Variants in PHACTR1 observed in about 807,000 individuals in gnomAD.
The protein encoded by PHACTR1 is phosphatase and actin regulator 1, also known as RPEL repeat containing 1.
Under a neutral mutation model 69.2 loss-of-function variants are expected in PHACTR1, and 16 were observed. The ratio of observed to expected loss-of-function variants is 0.23; its 90% CI spans 0.16 to 0.35. PHACTR1 has a LOEUF of 0.35. Among genes scored for constraint, PHACTR1 ranks in the 10% least tolerant of loss-of-function variants. The pLI, the probability that PHACTR1 is intolerant of heterozygous loss-of-function variation, is 1.00. For missense variants in PHACTR1, 510 were observed against 734.7 expected (o/e 0.69, Z 3.54); for synonymous variants, 312 against 284.5 (o/e 1.10, Z -0.97).
At chr6:12,806,274 C>T (rs772918282) in intron 4 of PHACTR1, among the ~76,000 whole-genome samples, 1 of 152,216 alleles carries the variant, frequency 6.6e-6, no homozygotes, top group African/African-American at 2.4e-5. Flanking sequence ...GGTCCCATGA[C>T]ATCAGCACCA....
intron 4 of PHACTR1, among the ~76,000 whole-genome samples, chr6:12,830,039 GAAAA>G (rs1777276701): frequency 2.3e-5 from 3 of 132,056 alleles, no homozygotes; most frequent in East Asian, 4.2e-4. Flanking sequence ...AGAAAGGAAA[GAAAA>G]GAAAGAAGGA....
intron 5 of PHACTR1, among the ~76,000 whole-genome samples, chr6:13,152,570 AT>A (rs1459662299): frequency 6.6e-6 from 1 of 152,214 alleles, no homozygotes; most frequent in Non-Finnish European, 1.5e-5. Context: ...CAGACTGCTC[AT>A]TTCTAAAGTA....
At chr6:13,002,200 ACT>A (rs1582908098) in intron 4 of PHACTR1, among the ~76,000 whole-genome samples, 1 of 152,116 alleles carries the variant, frequency 6.6e-6, no homozygotes, top group East Asian at 1.9e-4. Context: ...AGCAAACAAC[ACT>A]CTGTCTCAGG....
intron 5 of PHACTR1, among the ~76,000 whole-genome samples, chr6:13,071,514 C>A (rs757212624): frequency 6.6e-6 from 1 of 152,076 alleles, no homozygotes; most frequent in African/African-American, 2.4e-5. Context: ...ACCTCAAATG[C>A]CTCTGAGGAC....
Position 13,253,139 on chromosome 6 carries a change from C to T in PHACTR1, c.1392-19721C>T, listed in dbSNP as rs1774720383. 36 of 384,648 alleles carry T rather than the reference C, an allele frequency of 9.4e-5. 2 individuals carry two copies. The highest frequency in any genetic ancestry group is 6.2e-4 in the South Asian group (35 of 56,678). 23.8% of individuals were successfully genotyped at this position (384,648 alleles called of 1,614,324 possible). The stretch of plus-strand genomic sequence containing the variant: ...CCCCACCCTCTATCCTCAGCCCTCT[C>T]CTTGGGAAGTATGATCGCCCCAAAA... On this transcript the variant is annotated intron_variant, in intron 10 of 14. Coordinates refer to ENST00000332995, the MANE Select transcript of PHACTR1 (RefSeq NM_030948.6).
intron 5 of PHACTR1, among the ~76,000 whole-genome samples, chr6:13,102,908 A>C (rs968314523): frequency 6.6e-6 from 1 of 152,206 alleles, no homozygotes; most frequent in Non-Finnish European, 1.5e-5. Context: ...CTTTATGGCC[A>C]GCCAACCTTG....
intron 4 of PHACTR1, among the ~76,000 whole-genome samples, chr6:12,773,304 G>T (rs1266981540): frequency 1.3e-5 from 2 of 152,114 alleles, no homozygotes; most frequent in African/African-American, 4.8e-5. Context: ...TCACATTTGG[G>T]AGTTGCCCCT....
intron 4 of PHACTR1, among the ~76,000 whole-genome samples, chr6:12,920,200 G>A (rs999566436): frequency 5.9e-5 from 9 of 152,184 alleles, no homozygotes; most frequent in Non-Finnish European, 1.3e-4. Flanking sequence ...AACAAAGAGA[G>A]GAGAGATCAA....
chr6:13,126,628 A>G (rs1442156234), intron 5 of PHACTR1, among the ~76,000 whole-genome samples: 2 of 152,256 alleles, frequency 1.3e-5, no homozygotes, highest in Non-Finnish European at 2.9e-5. Context: ...ACCATGGTAT[A>G]CAAGCTAAAT....
At chr6:13,273,733 C>T (rs997739284) in intron 11 of PHACTR1, 1 of 152,242 alleles carries the variant, frequency 6.6e-6, no homozygotes, top group Non-Finnish European at 1.5e-5. Flanking sequence ...CTACCATTCT[C>T]GCCAACACTG....
chr6:12,985,541 A>AAATATAT (rs1179784179), intron 4 of PHACTR1, among the ~76,000 whole-genome samples: 96 of 132,766 alleles, frequency 7.2e-4, no homozygotes, highest in African/African-American at 2.7e-3. Context: ...AAAAAAAAAA[A>AAATATAT]ATATATATAT....
chr6:13,214,963 A>G (rs1767443691), intron 8 of PHACTR1, among the ~76,000 whole-genome samples: 1 of 152,240 alleles, frequency 6.6e-6, no homozygotes, highest in Admixed American at 6.5e-5. Flanking sequence ...GAAAAAATAA[A>G]TACGTTTCTA....
intron 5 of PHACTR1, among the ~76,000 whole-genome samples, chr6:13,127,104 G>C (rs779466022): frequency 2.6e-5 from 4 of 152,198 alleles, no homozygotes; most frequent in Non-Finnish European, 5.9e-5. Flanking sequence ...TTTGGGCTAA[G>C]GTAGTTAATT....
At chr6:12,951,618 C>T (rs1458183647) in intron 4 of PHACTR1, among the ~76,000 whole-genome samples, 1 of 152,126 alleles carries the variant, frequency 6.6e-6, no homozygotes, top group Non-Finnish European at 1.5e-5. Flanking sequence ...CCTTGGAGCA[C>T]ACAGAGCAAA....
At chr6:12,905,471 C>T (rs1785627866) in intron 4 of PHACTR1, among the ~76,000 whole-genome samples, 1 of 152,166 alleles carries the variant, frequency 6.6e-6, no homozygotes, top group African/African-American at 2.4e-5. Flanking sequence ...ATCCTATATG[C>T]TAGGAACTGT....
chr6:13,150,323 C>G (rs1036282826), intron 5 of PHACTR1, among the ~76,000 whole-genome samples: 1 of 152,154 alleles, frequency 6.6e-6, no homozygotes, highest in Non-Finnish European at 1.5e-5. Flanking sequence ...GCCTTGGCAA[C>G]AGAGTGAGAC....
chr6:12,977,154 G>C (rs1794981874), intron 4 of PHACTR1, among the ~76,000 whole-genome samples: 1 of 152,078 alleles, frequency 6.6e-6, no homozygotes, highest in Non-Finnish European at 1.5e-5. Context: ...GTTTCACCAA[G>C]TTGGCTAGGC....
intron 4 of PHACTR1, among the ~76,000 whole-genome samples, chr6:12,795,164 A>G (rs1477450168): frequency 2.6e-5 from 4 of 152,216 alleles, no homozygotes; most frequent in Non-Finnish European, 5.9e-5. Flanking sequence ...CACTTAGAGT[A>G]GCAAGGATCT....
In PHACTR1 at chr6:13,041,335, T is replaced by TAC. The variant is rs1341525931; in HGVS notation, c.251-12028_251-12027dup. Among the ~76,000 whole-genome samples, 187 of 38,710 alleles carry TAC rather than the reference T, an allele frequency of 4.8e-3. 1 individual carries two copies. Among genetic ancestry groups the TAC allele is most frequent in the Non-Finnish European group, 7.1e-3 (131 of 18,552 alleles). 25.4% of individuals were successfully genotyped at this position (38,710 alleles called of 152,430 possible). ...TTAGAGCCACTGGTGGTAATTAAAA[T>TAC]ACATACACACACACACACACACACA... On this transcript the variant is annotated intron_variant, in intron 4 of 14. Transcript: ENST00000332995.
Sources: gnomAD v4.1 joint callset for allele counts (sites outside exome capture counted in the v4.1 genomes callset) on GRCh38, gnomAD v4.1.1 for gene constraint, MANE v1.5 for transcripts, NCBI Gene and HGNC (gene_info 2026-07-23, HGNC 2026-07-21) for gene names.